Variants in BMPER observed in about 807,000 individuals in gnomAD.
BMPER encodes BMP binding endothelial regulator, also known as BMP-binding endothelial regulator protein.
In BMPER, 45 loss-of-function variants were observed where a neutral mutation model predicts 87.3. The ratio of observed to expected loss-of-function variants is 0.52; its 90% confidence interval spans 0.41 to 0.66. BMPER has a LOEUF of 0.66. Ranked by LOEUF, BMPER falls within the 30% of genes least tolerant of loss-of-function variation. The pLI is 0.00. For missense variants in BMPER, 784 were observed against 867.5 expected (o/e 0.90, Z 1.21); for synonymous variants, 326 against 316.2 (o/e 1.03, Z -0.33).
intron 6 of BMPER, among the ~76,000 whole-genome samples, chr7:34,004,895 C>T (rs553306132): frequency 3.3e-5 from 5 of 152,196 alleles, no homozygotes; most frequent in Non-Finnish European, 5.9e-5. Flanking sequence ...CTTGGGCATG[C>T]GTGGTGCCTT....
chr7:34,014,705 A>G (rs1456094555), intron 6 of BMPER, among the ~76,000 whole-genome samples: 1 of 151,946 alleles, frequency 6.6e-6, no homozygotes, highest in South Asian at 2.1e-4. Flanking sequence ...AAATTGGGGA[A>G]TTGAGGTTGT....
chr7:33,906,218 T>A (rs1783813985), intron 1 of BMPER, among the ~76,000 whole-genome samples: 1 of 152,300 alleles, frequency 6.6e-6, no homozygotes, highest in East Asian at 1.9e-4. Flanking sequence ...ATATAATAAT[T>A]ATATGTTTTC....
rs1279415181 is a variant in BMPER at position 34,143,497 on chromosome 7, T to G, written c.1876+137T>G. On this transcript the variant is annotated intron_variant, in intron 14 of 14. Transcript: ENST00000649409. ...GGAAAATCCCTTCCAGTAGCCCATC[T>G]GGATTGCTACTTGATAAAACACAGG... is the stretch of plus-strand genomic sequence containing the variant. 7 of 1,319,668 alleles carry G rather than the reference T, an allele frequency of 5.3e-6. No individual in the cohort carries two copies. In the Admixed American group the frequency reaches 1.4e-4, roughly 26 times the overall value. 81.7% of individuals were successfully genotyped at this position (1,319,668 alleles called of 1,614,324 possible).
At chr7:34,094,547 T>G (rs947897369) in intron 13 of BMPER, among the ~76,000 whole-genome samples, 2 of 152,240 alleles carry the variant, frequency 1.3e-5, no homozygotes, top group Non-Finnish European at 2.9e-5. Flanking sequence ...TGACTGCTGC[T>G]TTTAGAAAAG....
At chr7:34,093,259 T>C (rs1450356637) in intron 13 of BMPER, among the ~76,000 whole-genome samples, 1 of 152,220 alleles carries the variant, frequency 6.6e-6, no homozygotes, top group Non-Finnish European at 1.5e-5. Context: ...GTCCACAGTA[T>C]CCACTGGGCA....
At chr7:34,039,461 G>A (rs917727940) in intron 6 of BMPER, among the ~76,000 whole-genome samples, 2 of 152,118 alleles carry the variant, frequency 1.3e-5, no homozygotes, top group African/African-American at 4.8e-5. Flanking sequence ...GGGTGCCACT[G>A]CCATCTAGCA....
At chr7:34,078,705 C>G in intron 11 of BMPER, 152 bp from the exon 12 acceptor site, 1 of 759,890 alleles carries the variant, frequency 1.3e-6, no homozygotes, top group Non-Finnish European at 2.2e-6. Flanking sequence ...AGGTTTGACA[C>G]GAACCTTTAA....
chr7:34,043,523 C>T (rs759121514), intron 6 of BMPER, among the ~76,000 whole-genome samples: 18 of 152,080 alleles, frequency 1.2e-4, no homozygotes, highest in Non-Finnish European at 2.1e-4. Context: ...AAAAGGCAAC[C>T]GATTTTGGTG....
chr7:34,026,960 T>G (rs969738720), intron 6 of BMPER, among the ~76,000 whole-genome samples: 1 of 152,112 alleles, frequency 6.6e-6, no homozygotes, highest in South Asian at 2.1e-4. Flanking sequence ...TTCCTTGCTT[T>G]GTAGCCTATA....
chr7:33,963,466 T>C (rs186307277), intron 3 of BMPER, among the ~76,000 whole-genome samples: 110 of 152,332 alleles, frequency 7.2e-4, no homozygotes, highest in Middle Eastern at 3.4e-3. Flanking sequence ...TTTTATTATA[T>C]TTTATAAAAG....
intron 13 of BMPER, among the ~76,000 whole-genome samples, chr7:34,129,597 AGAGAG>A (rs1790502660): frequency 2.3e-5 from 3 of 130,286 alleles, no homozygotes; most frequent in Non-Finnish European, 3.2e-5. Context: ...AGAGAGAGAG[AGAGAG>A]AGAGAGAAAG....
intron 3 of BMPER, among the ~76,000 whole-genome samples, chr7:33,960,405 A>C (rs1785239182): frequency 6.6e-6 from 1 of 152,128 alleles, no homozygotes; most frequent in African/African-American, 2.4e-5. Flanking sequence ...TGGTTCATTA[A>C]AAAAATTGTA....
At chr7:34,085,637 C>G in intron 12 of BMPER, 119 bp from the exon 13 acceptor site, 2 of 971,678 alleles carry the variant, frequency 2.1e-6, no homozygotes, top group Non-Finnish European at 3.2e-6. Context: ...TTGGACCAAC[C>G]CTTGGTGCTC....
At chr7:34,126,964 T>C (rs1790419092) in intron 13 of BMPER, among the ~76,000 whole-genome samples, 1 of 152,200 alleles carries the variant, frequency 6.6e-6, no homozygotes, top group South Asian at 2.1e-4. Flanking sequence ...CTTACAATGA[T>C]AGCAATGAAA....
intron 13 of BMPER, among the ~76,000 whole-genome samples, chr7:34,089,234 A>G (rs561975979): frequency 5.3e-5 from 8 of 152,330 alleles, no homozygotes; most frequent in African/African-American, 1.9e-4. Context: ...AGGACAAAGA[A>G]TGAAGTAGCA....
intron 11 of BMPER, among the ~76,000 whole-genome samples, chr7:34,069,035 T>G (rs938200678): frequency 6.6e-6 from 1 of 152,250 alleles, no homozygotes; most frequent in African/African-American, 2.4e-5. Flanking sequence ...AGTTTCTTGC[T>G]TAATTTCAAA....
chr7:34,155,303 T>G lies in BMPER; in HGVS notation c.*2030T>G, dbSNP rs1791282351. On this transcript the variant is annotated 3_prime_UTR_variant, in exon 15 of 15. Coordinates refer to ENST00000649409, the MANE Select transcript of BMPER (RefSeq NM_001365308.1). ...TCAGTTCACTGTTGGTTCTCATCTT[T>G]GAAAGAGGGCAGCATAAGGGAAATG... The G allele has an allele frequency of 6.6e-6, 1 of 152,196 alleles. No homozygotes were observed. The highest frequency in any genetic ancestry group is 2.4e-5 in the African/African-American group (1 of 41,448). 9.4% of individuals were successfully genotyped at this position (152,196 alleles called of 1,614,324 possible).
At chr7:34,099,628 T>G (rs1789624039) in intron 13 of BMPER, among the ~76,000 whole-genome samples, 1 of 152,220 alleles carries the variant, frequency 6.6e-6, no homozygotes, top group Non-Finnish European at 1.5e-5. Flanking sequence ...TTGTTTCTGG[T>G]CCACAGTATT....
chr7:34,067,201 T>G (rs1359638614), intron 11 of BMPER: 7 of 152,156 alleles, frequency 4.6e-5, no homozygotes, highest in Non-Finnish European at 1.5e-5. Flanking sequence ...CCCCCAGGGT[T>G]GGTTTCCAGC....
Sources: gnomAD v4.1 joint callset for allele counts (sites outside exome capture counted in the v4.1 genomes callset) on GRCh38, gnomAD v4.1.1 for gene constraint, MANE v1.5 for transcripts, NCBI Gene and HGNC (gene_info 2026-07-23, HGNC 2026-07-21) for gene names.